MRPS16: variants seen among roughly 807,000 people sequenced by gnomAD.
MRPS16 encodes small ribosomal subunit protein bS16m.
A neutral mutation model predicts 11.0 loss-of-function variants in MRPS16; 5 were observed. The ratio of observed to expected loss-of-function variants is 0.46; its 90% confidence interval spans 0.24 to 0.96. The LOEUF (loss-of-function observed/expected upper bound fraction) is 0.96, where lower values mean the gene tolerates loss of function less well. Among genes scored for constraint, MRPS16 ranks in the 40% least tolerant of loss-of-function variants. MRPS16 has a pLI of 0.20. For missense variants in MRPS16, 179 were observed against 174.4 expected, an observed-to-expected ratio of 1.03 and a Z score of -0.15; for synonymous variants, 76 against 65.0, an observed-to-expected ratio of 1.17 and a Z score of -0.81.
Position 73,249,632 on chromosome 10 carries a change from T to C in MRPS16, c.*1220A>G. 3.1e-6 allele frequency: 1 copy of C among 324,140 alleles called. No individual in the cohort carries two copies. Among genetic ancestry groups the C allele is most frequent in the South Asian group, 4.7e-5 (1 of 21,294 alleles). The allele number at this position is 324,140 out of a possible 1,614,324, so 20.1% of individuals were successfully genotyped here. On this transcript the variant is annotated 3_prime_UTR_variant, in exon 3 of 3. Coordinates refer to ENST00000372945, the MANE Select transcript of MRPS16 (RefSeq NM_016065.4). ...CCAGTATTCTCAGAAGGATCCCATC[T>C]ATGATATATGCAGAAATCACAGCCA...
Position 73,250,489 on chromosome 10 carries a change from A to G in MRPS16, c.*363T>C. ...AACTGTTCTTGCACTTGTGGGATGA[A>G]CATGAAGATCTGAATGGGCCATGAA... is the stretch of plus-strand genomic sequence containing the variant. On this transcript the variant is annotated 3_prime_UTR_variant, in exon 3 of 3. Coordinates refer to ENST00000372945, the MANE Select transcript of MRPS16 (RefSeq NM_016065.4). 3.3e-6 allele frequency: 1 copy of G among 304,320 alleles called. No homozygotes were observed. Among genetic ancestry groups the G allele is most frequent in the Non-Finnish European group, 6.3e-6 (1 of 158,266 alleles). 18.9% of individuals were successfully genotyped at this position (304,320 alleles called of 1,614,324 possible). A position where few individuals can be genotyped will look rare whatever the true frequency, so the allele number is the denominator to read the frequency against.
rs972368916 is a variant in MRPS16 at position 73,252,197 on chromosome 10, T to C, written c.14-174A>G. ...CCCTCTTGGCCAGTCCAGCCAGCAATGACCTCCTCCTCATACCCAAACCCA... is the reference window on the plus strand; with the variant it reads ...CCCTCTTGGCCAGTCCAGCCAGCAACGACCTCCTCCTCATACCCAAACCCA... On this transcript the variant is annotated intron_variant, in intron 1 of 2. Transcript: ENST00000372945. 15 of 1,124,342 alleles carry C rather than the reference T, an allele frequency of 1.3e-5. No homozygotes were observed. In the African/African-American group the frequency reaches 2.3e-4, roughly 17 times the overall value. 69.6% of individuals were successfully genotyped at this position (1,124,342 alleles called of 1,614,324 possible). A position where few individuals can be genotyped will look rare whatever the true frequency, so the allele number is the denominator to read the frequency against.
chr10:73,251,887 C>T lies in MRPS16; in HGVS notation c.150G>A (p.Gln50=). The change falls in exon 2 of 3, where the codon CAG becomes CAA. Residue 50 remains glutamine, a synonymous_variant. Transcript: ENST00000372945. The part of the protein sequence containing the change: ...KCPRDGRFVE[Q]LGSYDPLPNS... ...TGGGCAATGGATCATAGGAGCCCAGCTGCTCTACGAAACGGCCATCCCTGG... is the reference window on the plus strand; with the variant it reads ...TGGGCAATGGATCATAGGAGCCCAGTTGCTCTACGAAACGGCCATCCCTGG... 1 of 1,614,206 alleles carries T rather than the reference C, an allele frequency of 6.2e-7. No individual in the cohort carries two copies. The highest frequency in any genetic ancestry group is 8.5e-7 in the Non-Finnish European group (1 of 1,180,048).
intron 2 of MRPS16, 61 bp downstream of exon 2, chr10:73,251,702 T>TG: frequency 6.2e-7 from 1 of 1,609,988 alleles, no homozygotes; most frequent in Non-Finnish European, 8.5e-7. Context: ...TTACACCTAC[T>TG]GTCCTGGAGC....
chr10:73,250,384 C>CAA lies in MRPS16; in HGVS notation c.*466_*467dup, dbSNP rs113258240. On this transcript the variant is annotated 3_prime_UTR_variant, in exon 3 of 3. Transcript: ENST00000372945. ...CTGGCAACAGAACAAGACTCCGTCT[C>CAA]AAAAAAAAAAAAAAAAAGAGAATAT... is the stretch of plus-strand genomic sequence containing the variant. The CAA allele has an allele frequency of 1.3e-3, 122 of 95,924 alleles. No homozygotes were observed. The highest frequency in any genetic ancestry group is 4.4e-3 in the South Asian group (22 of 5,028). The allele number at this position is 95,924 out of a possible 1,614,324, so 5.9% of individuals were successfully genotyped here.
At chr10:73,252,403 C>A in intron 1 of MRPS16, 67 bp downstream of exon 1, 1 of 1,603,668 alleles carries the variant, frequency 6.2e-7, no homozygotes, top group East Asian at 2.2e-5. Context: ...AGAGCTCTCC[C>A]CACCCGGCCC....
Position 73,251,955 on chromosome 10 carries a change from TGGTGCA to T in MRPS16, c.76_81del (p.Cys26_Thr27del), listed in dbSNP as rs745991352. ...GCCACAATGCGGTAGAACGGCCGAT[TGGTGCA>T]GCCACCCAGGGCAAGGCGGATGGTT... On this transcript the variant is annotated inframe_deletion, in exon 2 of 3. Coordinates refer to ENST00000372945, the MANE Select transcript of MRPS16 (RefSeq NM_016065.4). 4 of 1,614,204 alleles carry T rather than the reference TGGTGCA, an allele frequency of 2.5e-6. No homozygotes were observed. In the South Asian group the frequency reaches 4.4e-5, roughly 18 times the overall value.
chr10:73,251,288 A>G lies in MRPS16; in HGVS notation c.275-297T>C, dbSNP rs77239349. ...CCCAAAGTCTTACAAAGGAGTCCAC[A>G]AAAGGGGCCTCCAGATTCAAAATGC... On this transcript the variant is annotated intron_variant, in intron 2 of 2. Transcript: ENST00000372945. Among the ~76,000 whole-genome samples, 7,307 of 152,296 alleles carry G rather than the reference A, an allele frequency of 0.048. 537 individuals carry two copies. The highest frequency in any genetic ancestry group is 0.16 in the African/African-American group (6,590 of 41,530).
At position 73,250,964 on chromosome 10, in the gene MRPS16, G is replaced by C. The variant is rs749511151; in HGVS notation, c.302C>G (p.Pro101Arg). ...TCTCTCAGCATTTGTGATCATCATA[G>C]GATGCAGAGGGAAAAAGCCAGCAAG... ...LGLAGFFPLH[P>R]MMITNAERLR... The change falls in exon 3 of 3, where the codon CCT becomes CGT. Residue 101 changes from proline (P) to arginine (R), a missense_variant. Physicochemically the swap from Pro to Arg is moderately radical, Grantham distance 103. Transcript: ENST00000372945. 1 of 1,614,188 alleles carries C rather than the reference G, an allele frequency of 6.2e-7. No individual in the cohort carries two copies. Among genetic ancestry groups the C allele is most frequent in the Non-Finnish European group, 8.5e-7 (1 of 1,180,040 alleles).
At position 73,249,417 on chromosome 10, in the gene MRPS16, A is replaced by C. The variant is rs1332682706; in HGVS notation, c.*1435T>G. On this transcript the variant is annotated 3_prime_UTR_variant, in exon 3 of 3. Coordinates refer to ENST00000372945, the MANE Select transcript of MRPS16 (RefSeq NM_016065.4). ...TAAAGATCCCTTATAGATTACTGGC[A>C]TCAAGGTAGGAAGGAAAAGATACAA... is the stretch of plus-strand genomic sequence containing the variant. The C allele has an allele frequency of 2.5e-6, 3 of 1,210,482 alleles. No individual in the cohort carries two copies. The highest frequency in any genetic ancestry group is 3.5e-6 in the Non-Finnish European group (3 of 860,908). The allele number at this position is 1,210,482 out of a possible 1,614,324, so 75.0% of individuals were successfully genotyped here.
At chr10:73,252,388 CTGGG>C (rs1327858724) in intron 1 of MRPS16, 78 bp downstream of exon 1, 1 of 1,591,292 alleles carries the variant, frequency 6.3e-7, no homozygotes, top group African/African-American at 1.3e-5. Context: ...TCCATCGCGC[CTGGG>C]AGAGCTCTCC....
intron 2 of MRPS16, 117 bp from the exon 3 acceptor site, chr10:73,251,108 GCTCCT>G: frequency 1.6e-6 from 2 of 1,233,928 alleles, no homozygotes; most frequent in Non-Finnish European, 2.3e-6. Flanking sequence ...TGCAAACCAT[GCTCCT>G]CACTTGCCAA....
In MRPS16 at chr10:73,249,436, G is replaced by C; in HGVS notation, c.*1416C>G. On this transcript the variant is annotated 3_prime_UTR_variant, in exon 3 of 3. Coordinates refer to ENST00000372945, the MANE Select transcript of MRPS16 (RefSeq NM_016065.4). ...ACTGGCATCAAGGTAGGAAGGAAAA[G>C]ATACAAGAAGTAAAATGCAACACTC... The C allele has an allele frequency of 9.8e-7, 1 of 1,015,756 alleles. No homozygotes were observed. The highest frequency in any genetic ancestry group is 1.4e-6 in the Non-Finnish European group (1 of 696,662). 62.9% of individuals were successfully genotyped at this position (1,015,756 alleles called of 1,614,324 possible).
Position 73,251,982 on chromosome 10 carries a change from T to C in MRPS16, c.55A>G (p.Ile19Val), listed in dbSNP as rs2133443795. ...GTGCAGCCACCCAGGGCAAGGCGGATGGTTAAGTGGCCCCCACGGTAGGCC... is the reference window on the plus strand; with the variant it reads ...GTGCAGCCACCCAGGGCAAGGCGGACGGTTAAGTGGCCCCCACGGTAGGCC... ...CKAYRGGHLT[I>V]RLALGGCTNR... The change falls in exon 2 of 3, where the codon ATC becomes GTC. Residue 19 changes from isoleucine (I) to valine (V), a missense_variant. Ile to Val is a conservative substitution (Grantham distance 29). Coordinates refer to ENST00000372945, the MANE Select transcript of MRPS16 (RefSeq NM_016065.4). 1.2e-6 allele frequency: 2 copies of C among 1,614,104 alleles called. No individual in the cohort carries two copies. The highest frequency in any genetic ancestry group is 1.7e-6 in the Non-Finnish European group (2 of 1,179,990).
intron 1 of MRPS16, 70 bp downstream of exon 1, chr10:73,252,400 T>C: frequency 1.2e-6 from 2 of 1,602,444 alleles, no homozygotes; most frequent in Non-Finnish European, 1.7e-6. Flanking sequence ...GGGAGAGCTC[T>C]CCCCACCCGG....
rs1173105209 is a variant in MRPS16 at position 73,250,578 on chromosome 10, G to C, written c.*274C>G. On this transcript the variant is annotated 3_prime_UTR_variant, in exon 3 of 3. Transcript: ENST00000372945. ...GCCAGTAAATTGTAAAGTTGTCCAA[G>C]AGACCCAGAGCCCAACTCAAAAGTC... is the stretch of plus-strand genomic sequence containing the variant. The C allele has an allele frequency of 6.6e-6, 3 of 451,136 alleles. No individual in the cohort carries two copies. The highest frequency in any genetic ancestry group is 1.2e-5 in the Non-Finnish European group (3 of 245,404). 27.9% of individuals were successfully genotyped at this position (451,136 alleles called of 1,614,324 possible). A position where few individuals can be genotyped will look rare whatever the true frequency, so the allele number is the denominator to read the frequency against.
Position 73,252,479 on chromosome 10 carries a change from C to T in MRPS16, c.4G>A (p.Val2Ile), listed in dbSNP as rs1391162507. 6.2e-6 allele frequency: 10 copies of T among 1,608,848 alleles called. No homozygotes were observed. Among genetic ancestry groups the T allele is most frequent in the South Asian group, 2.2e-5 (2 of 91,044 alleles). M[V>I]HLTTLLCKAY... is the part of the protein sequence containing the mutation. ...TGGCCCGATGACTCACTGAGGTGGA[C>T]CATGGTGCCGCCGGCGTGCGGCTCC... is the stretch of plus-strand genomic sequence containing the variant. The change falls in exon 1 of 3, where the codon GTC becomes ATC. Residue 2 changes from valine (V) to isoleucine (I), a missense_variant. Transcript: ENST00000372945.
At position 73,248,976 on chromosome 10, in the gene MRPS16, TG is replaced by T; in HGVS notation, c.*1875del. On this transcript the variant is annotated 3_prime_UTR_variant, in exon 3 of 3. Transcript: ENST00000372945. ...CTCTGTCACCCAGGCTGGACTGTAG[TG>T]GAACAATCACAGTTCACTGCAGCAT... 1 of 565,482 alleles carries T rather than the reference TG, an allele frequency of 1.8e-6. No homozygotes were observed. The highest frequency in any genetic ancestry group is 3.4e-6 in the Non-Finnish European group (1 of 290,134). The allele number at this position is 565,482 out of a possible 1,614,324, so 35.0% of individuals were successfully genotyped here.
At position 73,250,481 on chromosome 10, in the gene MRPS16, T is replaced by C. The variant is rs1589210291; in HGVS notation, c.*371A>G. ...GAAAGGTTAACTGTTCTTGCACTTG[T>C]GGGATGAACATGAAGATCTGAATGG... On this transcript the variant is annotated 3_prime_UTR_variant, in exon 3 of 3. Transcript: ENST00000372945. 3.4e-6 allele frequency: 1 copy of C among 291,370 alleles called. No individual in the cohort carries two copies. Among genetic ancestry groups the C allele is most frequent in the East Asian group, 8.3e-5 (1 of 12,082 alleles). 18.0% of individuals were successfully genotyped at this position (291,370 alleles called of 1,614,324 possible). A position where few individuals can be genotyped will look rare whatever the true frequency, so the allele number is the denominator to read the frequency against.
Sources: allele counts gnomAD v4.1 joint callset (sites outside exome capture counted in the v4.1 genomes callset), GRCh38; gene constraint gnomAD v4.1.1; transcripts MANE v1.5; gene names NCBI Gene and HGNC (gene_info 2026-07-23, HGNC 2026-07-21).